The following RPSA2 variants were observed in gnomAD, a reference collection of about 807,000 sequenced individuals.
RPSA2 encodes small ribosomal subunit protein uS2B.
chr19:23,836,120 A>T, the RPSA2 span, among the ~76,000 whole-genome samples: 2 of 152,098 alleles, frequency 1.3e-5, no homozygotes, highest in African/African-American at 4.8e-5. Flanking sequence ...ACACTGCATC[A>T]TATATGTTGT....
the RPSA2 span, chr19:23,833,226 AT>A: frequency 8.3e-6 from 9 of 1,088,940 alleles, no homozygotes; most frequent in African/African-American, 1.4e-4. Context: ...AACCCTACAA[AT>A]GGGAAAAATT....
At chr19:23,762,755 G>A in the RPSA2 span, among the ~76,000 whole-genome samples, 221 of 151,902 alleles carry the variant, frequency 1.5e-3, no homozygotes, top group African/African-American at 5.2e-3. Flanking sequence ...ACCCAGGTAA[G>A]GAAAAGAGCA....
the RPSA2 span, among the ~76,000 whole-genome samples, chr19:23,797,278 T>G: frequency 6.6e-6 from 1 of 151,924 alleles, no homozygotes; most frequent in Non-Finnish European, 1.5e-5. Context: ...ATGGGCTAAT[T>G]TTTGTATTTT....
chr19:23,854,144 A>G, the RPSA2 span, among the ~76,000 whole-genome samples: 1 of 152,166 alleles, frequency 6.6e-6, no homozygotes, highest in African/African-American at 2.4e-5. Flanking sequence ...GGAAACAGGA[A>G]CCTTGGCAGA....
the RPSA2 span, among the ~76,000 whole-genome samples, chr19:23,846,303 A>G: frequency 3.4e-5 from 4 of 117,404 alleles, no homozygotes; most frequent in African/African-American, 1.3e-4. Context: ...GTTTTAATTG[A>G]TTTATATTCA....
chr19:23,822,074 G>C, the RPSA2 span, among the ~76,000 whole-genome samples: 3 of 152,152 alleles, frequency 2.0e-5, no homozygotes, highest in Non-Finnish European at 4.4e-5. Context: ...CAGCCTCAGG[G>C]TCAAATGGAG....
At chr19:23,770,874 C>T in the RPSA2 span, among the ~76,000 whole-genome samples, 2 of 152,112 alleles carry the variant, frequency 1.3e-5, no homozygotes, top group Non-Finnish European at 2.9e-5. Context: ...CCCCAAAATG[C>T]GGTGATGTGA....
chr19:23,761,045 T>A, the RPSA2 span, among the ~76,000 whole-genome samples: 1 of 8,994 alleles, frequency 1.1e-4, no homozygotes, highest in South Asian at 0.019. Context: ...ATATAGGGTA[T>A]ATATGTGTAT....
the RPSA2 span, chr19:23,758,857 AG>A: frequency 6.7e-7 from 1 of 1,497,072 alleles, no homozygotes; most frequent in Non-Finnish European, 9.2e-7. Context: ...AGAGCAGTGA[AG>A]ACGAGACCCG....
the RPSA2 span, among the ~76,000 whole-genome samples, chr19:23,787,173 C>G: frequency 2.0e-5 from 3 of 152,068 alleles, no homozygotes; most frequent in Non-Finnish European, 4.4e-5. Context: ...ATTGTGACAT[C>G]GCTGGGCCCT....
At chr19:23,782,224 G>C in the RPSA2 span, 1 of 152,178 alleles carries the variant, frequency 6.6e-6, no homozygotes, top group African/African-American at 2.4e-5. Context: ...CTAATCACAG[G>C]GGGTATTGGG....
chr19:23,857,926 T>C, the RPSA2 span, among the ~76,000 whole-genome samples: 7 of 152,270 alleles, frequency 4.6e-5, no homozygotes, highest in East Asian at 1.2e-3. Context: ...GTCTTTATAC[T>C]GATTTCTGCA....
At chr19:23,844,785 T>G in the RPSA2 span, among the ~76,000 whole-genome samples, 2 of 151,706 alleles carry the variant, frequency 1.3e-5, no homozygotes, top group African/African-American at 2.4e-5. Flanking sequence ...GACCTGAGAG[T>G]GACTTAGGAA....
chr19:23,855,303 C>T, the RPSA2 span, among the ~76,000 whole-genome samples: 1 of 152,182 alleles, frequency 6.6e-6, no homozygotes, highest in African/African-American at 2.4e-5. Flanking sequence ...GGAGTTAGAA[C>T]AGTTTTTGCC....
chr19:23,826,255 A>G, the RPSA2 span, among the ~76,000 whole-genome samples: 2 of 149,988 alleles, frequency 1.3e-5, no homozygotes, highest in Admixed American at 6.7e-5. Flanking sequence ...GTGCTGTGGC[A>G]TGATTCACCT....
the RPSA2 span, chr19:23,762,887 T>A: frequency 6.6e-6 from 1 of 152,178 alleles, no homozygotes; most frequent in South Asian, 2.1e-4. Flanking sequence ...ATGGAGAGAA[T>A]GCTGTTGCTT....
the RPSA2 span, among the ~76,000 whole-genome samples, chr19:23,863,739 A>C: frequency 2.6e-5 from 4 of 152,232 alleles, no homozygotes; most frequent in Admixed American, 2.6e-4. Flanking sequence ...ATGAGCCCTT[A>C]CAAAATTCCA....
At chr19:23,844,179 G>T in the RPSA2 span, among the ~76,000 whole-genome samples, 1 of 152,154 alleles carries the variant, frequency 6.6e-6, no homozygotes, top group Middle Eastern at 3.4e-3. Flanking sequence ...ATATCTATTG[G>T]TCATTTGTAT....
chr19:23,865,694 C>G, the RPSA2 span, among the ~76,000 whole-genome samples: 14 of 152,078 alleles, frequency 9.2e-5, no homozygotes, highest in South Asian at 2.9e-3. Flanking sequence ...AAGTAGAAAC[C>G]CCCACACAAC....
Sources: allele counts gnomAD v4.1 joint callset (sites outside exome capture counted in the v4.1 genomes callset), GRCh38; gene constraint gnomAD v4.1.1; transcripts MANE v1.5; gene names NCBI Gene and HGNC (gene_info 2026-07-23, HGNC 2026-07-21).